TMPRSS6: variants seen among roughly 807,000 people sequenced by gnomAD.
TMPRSS6 encodes transmembrane serine protease 6.
A neutral mutation model predicts 101.5 loss-of-function variants in TMPRSS6; 67 were observed. The ratio of observed to expected loss-of-function variants is 0.66; its 90% CI spans 0.54 to 0.81. The LOEUF (loss-of-function observed/expected upper bound fraction) is 0.81, where lower values mean the gene tolerates loss of function less well. Ranked by LOEUF, TMPRSS6 falls within the 30% of genes least tolerant of loss-of-function variation. TMPRSS6 has a pLI of 0.00. For missense variants in TMPRSS6, 1,034 were observed against 1,088.7 expected, an observed-to-expected ratio of 0.95 and a Z score of 0.71; for synonymous variants, 453 against 464.9, an observed-to-expected ratio of 0.97 and a Z score of 0.33.
upstream of TMPRSS6, among the ~76,000 whole-genome samples, chr22:37,110,491 C>T (rs1021835696): frequency 6.6e-6 from 1 of 152,046 alleles, no homozygotes; most frequent in Non-Finnish European, 1.5e-5. Context: ...TGACGGTAGC[C>T]GCTGGTCACC....
chr22:37,095,707 T>C, intron 5 of TMPRSS6, 115 bp from the exon 6 acceptor site: 1 of 1,259,466 alleles, frequency 7.9e-7, no homozygotes, highest in Non-Finnish European at 1.1e-6. Context: ...TGTCTGAGAT[T>C]TACCCTAAAT....
At chr22:37,079,784 C>T (rs559140813) in intron 10 of TMPRSS6, among the ~76,000 whole-genome samples, 2 of 152,384 alleles carry the variant, frequency 1.3e-5, no homozygotes, top group African/African-American at 4.8e-5. Flanking sequence ...CACTTGCTGA[C>T]GTCAGGCTGT....
At chr22:37,073,155 G>C (rs1014566168) in intron 13 of TMPRSS6, among the ~76,000 whole-genome samples, 5 of 148,350 alleles carry the variant, frequency 3.4e-5, no homozygotes, top group African/African-American at 1.3e-4. Flanking sequence ...TGGGTAGATG[G>C]GTGGGTGGAT....
intron 16 of TMPRSS6, among the ~76,000 whole-genome samples, chr22:37,068,204 A>T (rs1243161570): frequency 1.3e-5 from 2 of 151,902 alleles, no homozygotes; most frequent in Non-Finnish European, 2.9e-5. Flanking sequence ...CCTGGTACGT[A>T]CTTGGTGCTC....
intron 3 of TMPRSS6, among the ~76,000 whole-genome samples, chr22:37,097,619 C>A (rs994670941): frequency 1.3e-5 from 2 of 152,218 alleles, no homozygotes; most frequent in Non-Finnish European, 2.9e-5. Context: ...GACCAGCCTC[C>A]GTGCAGTGAG....
In TMPRSS6 at chr22:37,098,362, CCT is replaced by C. The variant is rs1930004257; in HGVS notation, c.336+52_336+53del. The stretch of plus-strand genomic sequence containing the variant: ...TGGCTCCATGTGATCAGACCCCACC[CCT>C]CTCTTTTCACCCCCATATTCCCTCC... On this transcript the variant is annotated intron_variant, in intron 3 of 17. Transcript: ENST00000676104. 4 of 1,613,348 alleles carry C rather than the reference CCT, an allele frequency of 2.5e-6. No individual in the cohort carries two copies. The Admixed American group carries it at 6.7e-5, about 27-fold the overall frequency.
intron 3 of TMPRSS6, among the ~76,000 whole-genome samples, chr22:37,097,130 G>C (rs1455984086): frequency 1.3e-5 from 2 of 152,202 alleles, no homozygotes; most frequent in Admixed American, 1.3e-4. Flanking sequence ...AGGCTCTTAA[G>C]CATTTGCGCA....
At chr22:37,066,607 T>G (rs981883424) in intron 17 of TMPRSS6, among the ~76,000 whole-genome samples, 1 of 152,240 alleles carries the variant, frequency 6.6e-6, no homozygotes, top group Admixed American at 6.5e-5. Flanking sequence ...CACCTGCCCA[T>G]CACAGCATCT....
rs537721428 is a variant in TMPRSS6, at chr22:37,103,490, G to A, written c.-1-72C>T. ...GGGAGCCTCTGCTGAGCACCGGTGGGGCACGGAAGCAGGACTTCCCTGCCT... is the reference window on the plus strand; with the variant it reads ...GGGAGCCTCTGCTGAGCACCGGTGGAGCACGGAAGCAGGACTTCCCTGCCT... On this transcript the variant is annotated intron_variant, in intron 1 of 17. Transcript: ENST00000676104. The surrounding 1 kb of genome is among the most constrained non-coding windows in gnomAD (Gnocchi z 4.4). The A allele has an allele frequency of 2.5e-6, 4 of 1,614,074 alleles. No individual in the cohort carries two copies. The highest frequency in any genetic ancestry group is 3.4e-6 in the Non-Finnish European group (4 of 1,180,040).
chr22:37,072,801 G>A (rs1254550942), intron 13 of TMPRSS6, among the ~76,000 whole-genome samples: 7 of 147,218 alleles, frequency 4.8e-5, no homozygotes, highest in Non-Finnish European at 7.5e-5. Context: ...ATGGATGATG[G>A]ATGGATGGAT....
intron 7 of TMPRSS6, among the ~76,000 whole-genome samples, chr22:37,087,824 T>C (rs2146117887): frequency 6.6e-6 from 1 of 152,276 alleles, no homozygotes. Flanking sequence ...GGTTTTATTT[T>C]ATTTACCTAG....
rs558615226 is a variant in TMPRSS6 at position 37,067,930 on chromosome 22, C to T, written c.2114-968G>A. Reference sequence around the variant, plus strand: ...CCACCTCAGCCCCTCTGGCAGGCTGCGGATGTTCTCACATCTTCCTGTCTT... The same window carrying T: ...CCACCTCAGCCCCTCTGGCAGGCTGTGGATGTTCTCACATCTTCCTGTCTT... On this transcript the variant is annotated intron_variant, in intron 16 of 17. Transcript: ENST00000676104. Among the ~76,000 whole-genome samples the T allele has an allele frequency of 7.2e-5, 11 of 152,374 alleles. No individual in the cohort carries two copies. The East Asian group carries it at 2.1e-3, about 29-fold the overall frequency.
intron 13 of TMPRSS6, among the ~76,000 whole-genome samples, chr22:37,072,214 TGATGGATGGATGGATGGATGATGGATG>T (rs1409628799): frequency 9.0e-6 from 1 of 111,636 alleles, no homozygotes; most frequent in Non-Finnish European, 1.7e-5. Flanking sequence ...GATGGATGGA[TGATGGATGGATGGATGGATGATGGATG>T]GATGGATGAT....
Position 37,066,158 on chromosome 22 carries a change from G to A in TMPRSS6, c.2331C>T (p.Gly777=). 1 of 1,613,188 alleles carries A rather than the reference G, an allele frequency of 6.2e-7. No homozygotes were observed. The highest frequency in any genetic ancestry group is 1.1e-5 in the South Asian group (1 of 91,080). The change falls in exon 18 of 18, where the codon GGC becomes GGT. Residue 777 remains glycine, a synonymous_variant. Coordinates refer to ENST00000676104, the MANE Select transcript of TMPRSS6 (RefSeq NM_001374504.1). ...CGCCGAAGTAGTTAGGCCGGCCACAGCCCAGGCCCCAGCTGACCAGCCCCG... is the reference window on the plus strand; with the variant it reads ...CGCCGAAGTAGTTAGGCCGGCCACAACCCAGGCCCCAGCTGACCAGCCCCG... ...FLAGLVSWGL[G]CGRPNYFGVY... is the part of the protein sequence containing the mutation.
chr22:37,103,422 C>T lies in TMPRSS6; in HGVS notation c.-1-4G>A. The T allele has an allele frequency of 1.2e-6, 2 of 1,614,228 alleles. No individual in the cohort carries two copies. Among genetic ancestry groups the T allele is most frequent in the Non-Finnish European group, 1.7e-6 (2 of 1,180,042 alleles). ...GGGGGCCTCGGCCACGGGCATCCTG[C>T]CAGGGAAACAGACCAAAGTTGGAAA... On this transcript the variant is annotated splice_region_variant and splice_polypyrimidine_tract_variant and intron_variant, in intron 1 of 17. Transcript: ENST00000676104. The surrounding 1 kb of genome is among the most constrained non-coding windows in gnomAD (Gnocchi z 4.4).
chr22:37,076,067 GAA>G (rs1927644055), intron 10 of TMPRSS6, among the ~76,000 whole-genome samples: 1 of 151,424 alleles, frequency 6.6e-6, no homozygotes, highest in African/African-American at 2.4e-5. Context: ...AAAGAAAAAA[GAA>G]AAGAAAAGAA....
At chr22:37,066,789 C>T (rs1926328172) in intron 17 of TMPRSS6, 37 bp downstream of exon 17, 1 of 1,613,422 alleles carries the variant, frequency 6.2e-7, no homozygotes, top group Admixed American at 1.7e-5. Context: ...AGCATCCTTT[C>T]TCCCTCCTCT....
At chr22:37,106,906 G>A (rs1930748325) in intron 1 of TMPRSS6, among the ~76,000 whole-genome samples, 1 of 152,136 alleles carries the variant, frequency 6.6e-6, no homozygotes, top group Non-Finnish European at 1.5e-5. Flanking sequence ...TGGGCCCCTG[G>A]CTAGTTAAGC....
rs183176732 is a variant in TMPRSS6, at chr22:37,093,865, A to G, written c.631+1686T>C. Among the ~76,000 whole-genome samples the G allele has an allele frequency of 1.9e-3, 292 of 152,018 alleles. 1 individual carries two copies. Among genetic ancestry groups the G allele is most frequent in the African/African-American group, 6.7e-3 (278 of 41,516 alleles). On this transcript the variant is annotated intron_variant, in intron 6 of 17. Coordinates refer to ENST00000676104, the MANE Select transcript of TMPRSS6 (RefSeq NM_001374504.1). Reference sequence around the variant, plus strand: ...CGGCAAAACCTCATCTCTTCTAAAAATATACAAATTAGCCAGGCATGGTGG... The same window carrying G: ...CGGCAAAACCTCATCTCTTCTAAAAGTATACAAATTAGCCAGGCATGGTGG...
Sources: gnomAD v4.1 joint callset for allele counts (sites outside exome capture counted in the v4.1 genomes callset) on GRCh38, gnomAD v4.1.1 for gene constraint, Gnocchi (gnomAD v3.1) non-coding constraint, MANE v1.5 for transcripts, NCBI Gene and HGNC (gene_info 2026-07-23, HGNC 2026-07-21) for gene names.